WDPCP: variants seen among roughly 807,000 people sequenced by gnomAD.
WDPCP encodes the protein WD repeat-containing and planar cell polarity effector protein fritz homolog.
A neutral mutation model predicts 93.1 loss-of-function variants in WDPCP; 71 were observed. The ratio of observed to expected loss-of-function variants is 0.76; its 90% CI spans 0.63 to 0.93. The LOEUF (loss-of-function observed/expected upper bound fraction) is 0.93. Among genes scored for constraint, WDPCP ranks in the 40% least tolerant of loss-of-function variants. The probability of loss-of-function intolerance (pLI) is 0.00; values close to 1 mark genes in which losing one functional copy is unlikely to be tolerated. For missense variants in WDPCP, 844 were observed against 887.4 expected (o/e 0.95, Z 0.62); for synonymous variants, 315 against 315.0 (o/e 1.00, Z 0.00).
intron 13 of WDPCP, among the ~76,000 whole-genome samples, chr2:63,296,485 A>G (rs1375743529): frequency 6.6e-6 from 1 of 152,224 alleles, no homozygotes; most frequent in African/African-American, 2.4e-5. Flanking sequence ...GTATCCAACT[A>G]GGAAAAGAGT....
At chr2:63,707,570 G>A (rs373556263) in intron 2 of WDPCP, among the ~76,000 whole-genome samples, 3 of 152,022 alleles carry the variant, frequency 2.0e-5, no homozygotes, top group African/African-American at 4.8e-5. Context: ...CCATTGGTTC[G>A]AACTTCCTCC....
Position 63,484,654 on chromosome 2 carries a change from G to C in WDPCP, c.334C>G (p.Gln112Glu), listed in dbSNP as rs758543575. The change falls in exon 6 of 18, where the codon CAA (glutamine) becomes GAA (glutamate). Residue 112 changes from glutamine to glutamate, a missense_variant. Coordinates refer to ENST00000272321, the MANE Select transcript of WDPCP (RefSeq NM_015910.7). ...TTGCTCAGCACACACCGACTGTTTT[G>C]CATCAGCTCCTGAAGCACAACAGAA... Reference protein sequence around the residue: ...DSLKELEELMQNSRCVLSKWK... With the variant: ...DSLKELEELMENSRCVLSKWK... 1.4e-5 allele frequency: 22 copies of C among 1,612,634 alleles called. No homozygotes were observed. The highest frequency in any genetic ancestry group is 1.9e-5 in the Non-Finnish European group (22 of 1,179,186).
At chr2:63,464,438 T>C (rs1007952523) in intron 6 of WDPCP, among the ~76,000 whole-genome samples, 21 of 152,080 alleles carry the variant, frequency 1.4e-4, no homozygotes, top group African/African-American at 4.1e-4. Flanking sequence ...CCTGGTGAGA[T>C]TGTAAAATGG....
chr2:63,453,352 A>G (rs1427585859), intron 6 of WDPCP, among the ~76,000 whole-genome samples: 3 of 152,248 alleles, frequency 2.0e-5, no homozygotes, highest in South Asian at 2.1e-4. Flanking sequence ...AATGCTCATC[A>G]TCACTGGCCA....
chr2:63,575,351 G>GGTATATACA (rs1229135119), intron 1 of WDPCP, among the ~76,000 whole-genome samples: 14 of 107,500 alleles, frequency 1.3e-4, no homozygotes, highest in East Asian at 1.1e-3. Flanking sequence ...TACTGTATAT[G>GGTATATACA]GTATATACAG....
intron 2 of WDPCP, among the ~76,000 whole-genome samples, chr2:63,665,351 G>A (rs262521): frequency 0.8 from 121,976 of 152,160 alleles, 49,305 homozygotes; most frequent in East Asian, 0.98. Context: ...TAAATGCATC[G>A]TCCCAATCTC....
intron 14 of WDPCP, among the ~76,000 whole-genome samples, chr2:63,250,311 G>A (rs564771365): frequency 1.3e-5 from 2 of 152,264 alleles, no homozygotes; most frequent in South Asian, 4.1e-4. Flanking sequence ...AAATAGGACA[G>A]TGTGAGATTT....
At chr2:63,201,639 T>A (rs1675919723) in intron 14 of WDPCP, among the ~76,000 whole-genome samples, 2 of 152,178 alleles carry the variant, frequency 1.3e-5, no homozygotes, top group South Asian at 4.1e-4. Flanking sequence ...TAGGTAGAAT[T>A]TCATCACTAA....
chr2:63,625,767 G>T (rs908247745), intron 3 of WDPCP, among the ~76,000 whole-genome samples: 1 of 152,136 alleles, frequency 6.6e-6, no homozygotes, highest in Non-Finnish European at 1.5e-5. Context: ...ACTGCCTAAA[G>T]TAATTCATAG....
intron 2 of WDPCP, among the ~76,000 whole-genome samples, chr2:63,783,737 G>GTCTGTCAT (rs1670430427): frequency 1.3e-5 from 2 of 152,140 alleles, no homozygotes; most frequent in Non-Finnish European, 2.9e-5. Context: ...TTGGCATAAA[G>GTCTGTCAT]TGTGGAATGA....
At chr2:63,332,200 GTATAAA>G (rs1688030800) in intron 12 of WDPCP, among the ~76,000 whole-genome samples, 1 of 151,298 alleles carries the variant, frequency 6.6e-6, no homozygotes, top group Admixed American at 6.6e-5. Context: ...TGGTTAGAAT[GTATAAA>G]TATAAATATA....
At chr2:63,665,293 T>C (rs1197467833) in intron 2 of WDPCP, among the ~76,000 whole-genome samples, 1 of 152,218 alleles carries the variant, frequency 6.6e-6, no homozygotes, top group African/African-American at 2.4e-5. Context: ...TCTAGGCTTC[T>C]TTCCTAGCAT....
intron 1 of WDPCP, chr2:63,518,091 T>G (rs1006319414): frequency 1.3e-5 from 2 of 152,362 alleles, no homozygotes; most frequent in African/African-American, 2.4e-5. Context: ...TTTCACCACG[T>G]TGGCCAGGCT....
the WDPCP span, among the ~76,000 whole-genome samples, chr2:63,836,549 T>C: frequency 6.6e-6 from 1 of 152,216 alleles, no homozygotes; most frequent in African/African-American, 2.4e-5. Context: ...TTTTTTTATC[T>C]TTTCAAATTA....
chr2:63,276,016 C>A (rs535118270), intron 13 of WDPCP, among the ~76,000 whole-genome samples: 5 of 152,298 alleles, frequency 3.3e-5, no homozygotes, highest in African/African-American at 1.2e-4. Flanking sequence ...GTGCGGGTAT[C>A]CATGGCTGAA....
At chr2:63,318,891 T>C (rs1441013724) in intron 12 of WDPCP, among the ~76,000 whole-genome samples, 2 of 152,120 alleles carry the variant, frequency 1.3e-5, no homozygotes, top group Non-Finnish European at 2.9e-5. Flanking sequence ...AATTTACCCT[T>C]GTAACAAACC....
chr2:63,522,491 C>CACACAT (rs1703015383), intron 1 of WDPCP, among the ~76,000 whole-genome samples: 5 of 151,052 alleles, frequency 3.3e-5, no homozygotes, highest in African/African-American at 1.2e-4. Context: ...CACACACACA[C>CACACAT]ACACAAACAT....
chr2:63,454,706 G>A (rs1055601679), intron 6 of WDPCP, among the ~76,000 whole-genome samples: 5 of 152,034 alleles, frequency 3.3e-5, no homozygotes, highest in East Asian at 1.9e-4. Context: ...AGACACTGGC[G>A]ATCCAGTGAC....
At chr2:63,835,746 A>AG in the WDPCP span, among the ~76,000 whole-genome samples, 31 of 152,146 alleles carry the variant, frequency 2.0e-4, no homozygotes, top group Non-Finnish European at 4.0e-4. Context: ...TTCATTAGAG[A>AG]GAAAAAGTAG....
Sources: gnomAD v4.1 joint callset for allele counts (sites outside exome capture counted in the v4.1 genomes callset) on GRCh38, gnomAD v4.1.1 for gene constraint, MANE v1.5 for transcripts, NCBI Gene and HGNC (gene_info 2026-07-23, HGNC 2026-07-21) for gene names.